ELAPOR2: variants seen among roughly 807,000 people sequenced by gnomAD.
ELAPOR2 encodes endosome-lysosome associated apoptosis and autophagy regulator family member 2, also known as endosome/lysosome-associated apoptosis and autophagy regulator family member 2.
In ELAPOR2, 89 loss-of-function variants were observed where a neutral mutation model predicts 120.7. The observed-to-expected ratio is 0.74, with a 90% confidence interval of 0.62 to 0.88. ELAPOR2 has a LOEUF of 0.88. Ranked by LOEUF, ELAPOR2 falls within the 40% of genes least tolerant of loss-of-function variation. The probability of loss-of-function intolerance (pLI) is 0.00; values close to 1 mark genes in which losing one functional copy is unlikely to be tolerated. For missense variants in ELAPOR2, 1,134 were observed against 1,251.6 expected (o/e 0.91, Z 1.42); for synonymous variants, 444 against 444.9 (o/e 1.00, Z 0.03).
intron 1 of ELAPOR2, among the ~76,000 whole-genome samples, chr7:87,038,532 G>A (rs1379013790): frequency 6.6e-6 from 1 of 152,252 alleles, no homozygotes; most frequent in East Asian, 1.9e-4. Context: ...AAATGCACAT[G>A]TTAGGTCACA....
At position 86,912,079 on chromosome 7, in the gene ELAPOR2, C is replaced by T. The variant is rs1313251487; in HGVS notation, c.2162G>A (p.Gly721Glu). The change falls in exon 15 of 22, where the codon GGG becomes GAG. Residue 721 changes from glycine (G) to glutamate (E), a missense_variant. Physicochemically the swap from Gly to Glu is moderately conservative, Grantham distance 98. Transcript: ENST00000450689. Reference protein sequence around the residue: ...YFHFFNISLCGHEGKKMALCT... With the variant: ...YFHFFNISLCEHEGKKMALCT... ...TTGACAGCCAGAACTCACCTCATGC[C>T]CACATAAACTGATATTGAAGAAATG... The T allele has an allele frequency of 2.5e-6, 4 of 1,603,870 alleles. No homozygotes were observed. Among genetic ancestry groups the T allele is most frequent in the Non-Finnish European group, 3.4e-6 (4 of 1,171,780 alleles).
chr7:86,982,810 C>T (rs549474348), intron 1 of ELAPOR2, among the ~76,000 whole-genome samples: 9 of 152,284 alleles, frequency 5.9e-5, no homozygotes, highest in African/African-American at 1.9e-4. Flanking sequence ...TCGCCAGCAA[C>T]AGAATAAATC....
At chr7:86,899,749 A>G (rs904425269) in intron 18 of ELAPOR2, among the ~76,000 whole-genome samples, 1 of 152,128 alleles carries the variant, frequency 6.6e-6, no homozygotes, top group Non-Finnish European at 1.5e-5. Flanking sequence ...TGTTTATAGC[A>G]TGCTGTAACT....
chr7:86,944,791 C>CA (rs1790934795), intron 4 of ELAPOR2, 108 bp downstream of exon 4: 47 of 877,904 alleles, frequency 5.4e-5, no homozygotes, highest in African/African-American at 5.2e-4. Context: ...AACACACACA[C>CA]ACAAAAAAAA....
chr7:86,998,410 G>A (rs767435), intron 1 of ELAPOR2, among the ~76,000 whole-genome samples: 57,559 of 152,078 alleles, frequency 0.38, 11,744 homozygotes, highest in African/African-American at 0.53. Flanking sequence ...GAGGTTCACC[G>A]ATGTCAAGCG....
chr7:86,901,730 G>C (rs1460944080), intron 18 of ELAPOR2, among the ~76,000 whole-genome samples: 1 of 152,130 alleles, frequency 6.6e-6, no homozygotes, highest in Non-Finnish European at 1.5e-5. Context: ...AGCTGCTTTC[G>C]CATGGGGCTT....
chr7:87,034,284 T>C (rs1794513119), intron 1 of ELAPOR2, among the ~76,000 whole-genome samples: 1 of 151,774 alleles, frequency 6.6e-6, no homozygotes, highest in South Asian at 2.1e-4. Flanking sequence ...CCAATTAGAG[T>C]TAGGGAGATG....
intron 1 of ELAPOR2, among the ~76,000 whole-genome samples, chr7:86,976,313 A>G (rs1583934536): frequency 1.3e-5 from 2 of 152,190 alleles, no homozygotes; most frequent in Admixed American, 1.3e-4. Flanking sequence ...ACAATAATCC[A>G]TCTTTCTGGC....
chr7:86,986,802 T>C (rs1301768409), intron 1 of ELAPOR2, among the ~76,000 whole-genome samples: 59 of 151,324 alleles, frequency 3.9e-4, no homozygotes, highest in Non-Finnish European at 7.4e-5. Context: ...ATGCCATCTC[T>C]ATCAAGCTAC....
intron 3 of ELAPOR2, among the ~76,000 whole-genome samples, chr7:86,947,351 C>A (rs977600951): frequency 6.6e-6 from 1 of 151,864 alleles, no homozygotes; most frequent in Non-Finnish European, 1.5e-5. Flanking sequence ...AGGAGATAAT[C>A]AAGTGTCTAA....
chr7:87,026,373 C>T (rs1242216091), intron 1 of ELAPOR2, among the ~76,000 whole-genome samples: 1 of 151,732 alleles, frequency 6.6e-6, no homozygotes, highest in Non-Finnish European at 1.5e-5. Context: ...AAAATCTAGT[C>T]TCTTGTTGAA....
intron 21 of ELAPOR2, among the ~76,000 whole-genome samples, chr7:86,890,028 A>G (rs1788064606): frequency 6.6e-6 from 1 of 151,920 alleles, no homozygotes; most frequent in Non-Finnish European, 1.5e-5. Flanking sequence ...TAAATGCTGT[A>G]TAAAGCAAAT....
rs1791459133 is a variant in ELAPOR2, at chr7:86,956,032, CTT to C, written c.311-8112_311-8111del. On this transcript the variant is annotated intron_variant, in intron 2 of 21. Coordinates refer to ENST00000450689, the MANE Select transcript of ELAPOR2 (RefSeq NM_001142749.3). ...AAAGGGGAAAAAAAAAGAACTCTGC[CTT>C]AAAAGTCACAGGATGTGAGTTCTAG... is the stretch of plus-strand genomic sequence containing the variant. 3.3e-5 allele frequency among the ~76,000 whole-genome samples: 5 copies of C among 151,738 alleles called. No individual in the cohort carries two copies. The South Asian group carries it at 1.0e-3, about 32-fold the overall frequency.
rs141403231 is a variant in ELAPOR2 at position 86,988,015 on chromosome 7, C to T, written c.190-22991G>A. On this transcript the variant is annotated intron_variant, in intron 1 of 21. Transcript: ENST00000450689. ...ATATACACCATGGAATACTATGCAG[C>T]CATAAAAAAGGATGAGTTCATGTCC... 8.4e-3 allele frequency among the ~76,000 whole-genome samples: 1,281 copies of T among 152,144 alleles called. 21 individuals carry two copies. The highest frequency in any genetic ancestry group is 0.03 in the African/African-American group (1,232 of 41,494).
chr7:86,995,116 C>T (rs945929461), intron 1 of ELAPOR2, among the ~76,000 whole-genome samples: 3 of 152,240 alleles, frequency 2.0e-5, no homozygotes, highest in South Asian at 2.1e-4. Flanking sequence ...TAGTTTCAAG[C>T]GTCACCTTCA....
At chr7:86,898,157 A>G (rs1420613765) in intron 18 of ELAPOR2, among the ~76,000 whole-genome samples, 1 of 152,192 alleles carries the variant, frequency 6.6e-6, no homozygotes, top group Non-Finnish European at 1.5e-5. Context: ...AATATTATTC[A>G]GCCATAAAAG....
intron 1 of ELAPOR2, among the ~76,000 whole-genome samples, chr7:86,999,435 A>AT (rs1793238468): frequency 6.6e-6 from 1 of 152,172 alleles, no homozygotes; most frequent in Admixed American, 6.5e-5. Context: ...CTCTTAACTA[A>AT]TCTTAAGTGA....
Position 86,897,583 on chromosome 7 carries a change from C to A in ELAPOR2, c.2608G>T (p.Glu870Ter). ...CACAGAGGGCAAGCTTCAGCACTCT[C>A]CCACAGGAAATAGAACGTACACCCA... Reference protein sequence around the residue: ...CDGCTFYFLWESAEACPLCTE... With the variant: ...CDGCTFYFLW Residue 870 changes from glutamate to a stop codon, truncating the protein, a stop_gained, in exon 19 of 22, where the codon GAG (glutamate) becomes TAG (stop). Coordinates refer to ENST00000450689, the MANE Select transcript of ELAPOR2 (RefSeq NM_001142749.3). LOFTEE classifies it high-confidence loss of function. The A allele has an allele frequency of 1.2e-6, 2 of 1,613,302 alleles. No individual in the cohort carries two copies. Among genetic ancestry groups the A allele is most frequent in the Non-Finnish European group, 1.7e-6 (2 of 1,179,512 alleles).
At chr7:86,942,644 G>A (rs1584377985) in intron 4 of ELAPOR2, among the ~76,000 whole-genome samples, 2 of 152,042 alleles carry the variant, frequency 1.3e-5, no homozygotes, top group African/African-American at 4.8e-5. Context: ...TTATTTGGGG[G>A]TAAATGGTAA....
Sources: gnomAD v4.1 joint callset for allele counts (sites outside exome capture counted in the v4.1 genomes callset) on GRCh38, gnomAD v4.1.1 for gene constraint, MANE v1.5 for transcripts, NCBI Gene and HGNC (gene_info 2026-07-23, HGNC 2026-07-21) for gene names.